Variants in FRMD4B observed in about 807,000 individuals in gnomAD.
The protein encoded by FRMD4B is FERM domain containing 4B.
In FRMD4B, 74 loss-of-function variants were observed where a neutral mutation model predicts 141.5. That is an observed-to-expected ratio of 0.52 (90% confidence interval 0.43 to 0.63). FRMD4B has a LOEUF of 0.63. Among genes scored for constraint, FRMD4B ranks in the 30% least tolerant of loss-of-function variants. The probability of loss-of-function intolerance (pLI) is 0.00; values close to 1 mark genes in which losing one functional copy is unlikely to be tolerated. For synonymous variants in FRMD4B, 506 were observed against 467.9 expected (o/e 1.08, Z -1.05); for missense variants, 1,366 against 1,253.4 (o/e 1.09, Z -1.36).
At chr3:69,270,567 T>A (rs946956927) in intron 5 of FRMD4B, among the ~76,000 whole-genome samples, 1 of 138,396 alleles carries the variant, frequency 7.2e-6, no homozygotes, top group Non-Finnish European at 1.6e-5. Context: ...TTTTCTTTTT[T>A]TCTTTTTTTT....
intron 2 of FRMD4B, among the ~76,000 whole-genome samples, chr3:69,397,882 C>T (rs1313870477): frequency 6.6e-6 from 1 of 152,042 alleles, no homozygotes; most frequent in Non-Finnish European, 1.5e-5. Flanking sequence ...TGAATTATAT[C>T]CCAATAAAGC....
At chr3:69,390,818 G>A (rs948118950), upstream of FRMD4B, among the ~76,000 whole-genome samples, 1 of 152,126 alleles carries the variant, frequency 6.6e-6, no homozygotes, top group Non-Finnish European at 1.5e-5. Flanking sequence ...GCTTGAACCT[G>A]GAAGGTGGAG....
chr3:69,207,119 A>G (rs113207914), intron 11 of FRMD4B, among the ~76,000 whole-genome samples: 2,012 of 152,048 alleles, frequency 0.013, 61 homozygotes, highest in East Asian at 0.062. Flanking sequence ...CTTGGGCAAC[A>G]TAGTGAGACC....
intron 2 of FRMD4B, among the ~76,000 whole-genome samples, chr3:69,400,592 A>G (rs1158729595): frequency 1.3e-5 from 2 of 152,232 alleles, no homozygotes; most frequent in Non-Finnish European, 2.9e-5. Flanking sequence ...GTTGAGACCC[A>G]GGAAGGCAAT....
intron 7 of FRMD4B, among the ~76,000 whole-genome samples, chr3:69,248,244 T>TACACACACAC (rs147851519): frequency 8.8e-4 from 133 of 150,786 alleles, no homozygotes; most frequent in African/African-American, 3.2e-3. Flanking sequence ...AAAATGTAAA[T>TACACACACAC]ACACACACAC....
At chr3:69,536,191 C>T (rs182871711) in intron 1 of FRMD4B, 19 of 565,466 alleles carry the variant, frequency 3.4e-5, no homozygotes, top group Middle Eastern at 5.7e-4. Flanking sequence ...TCACCTTGCC[C>T]GCGTTAGGAG....
At chr3:69,402,933 T>C (rs563313419) in intron 2 of FRMD4B, among the ~76,000 whole-genome samples, 2 of 152,358 alleles carry the variant, frequency 1.3e-5, no homozygotes, top group Non-Finnish European at 2.9e-5. Flanking sequence ...AAAGGAAGCA[T>C]AGCCCTGGAA....
At chr3:69,267,632 TATATAGAGAGAGAGAGAGAGAG>T (rs1559765488) in intron 5 of FRMD4B, among the ~76,000 whole-genome samples, 75 of 10,542 alleles carry the variant, frequency 7.1e-3, no homozygotes, top group South Asian at 0.012. Flanking sequence ...TATATATATA[TATATAGAGAGAGAGAGAGAGAG>T]AGAGAGAGAG....
At chr3:69,533,502 G>A (rs1286701131) in intron 1 of FRMD4B, among the ~76,000 whole-genome samples, 1 of 152,184 alleles carries the variant, frequency 6.6e-6, no homozygotes, top group Admixed American at 6.5e-5. Context: ...CAAATGCCTG[G>A]CACCTGGCAC....
At chr3:69,290,612 T>A (rs1040422691) in intron 4 of FRMD4B, among the ~76,000 whole-genome samples, 1 of 152,174 alleles carries the variant, frequency 6.6e-6, no homozygotes, top group African/African-American at 2.4e-5. Flanking sequence ...TGAGCAGGCT[T>A]CCAGTGGGCA....
chr3:69,237,177 G>GGAAGAA (rs10658426), intron 7 of FRMD4B, among the ~76,000 whole-genome samples: 1 of 151,320 alleles, frequency 6.6e-6, no homozygotes, highest in East Asian at 2.0e-4. Flanking sequence ...GAGCACAAGA[G>GGAAGAA]GAGGAAGAGG....
At position 69,197,137 on chromosome 3, in the gene FRMD4B, A is replaced by G. The variant is rs930518457; in HGVS notation, c.954-99T>C. On this transcript the variant is annotated intron_variant, in intron 12 of 22. Transcript: ENST00000398540. The stretch of plus-strand genomic sequence containing the variant: ...CATTGTAACAAAGCATGTTCCTCTT[A>G]CCTGTCTTCTGTTGCAAAAACTCTT... 4.4e-6 allele frequency: 4 copies of G among 913,282 alleles called. No homozygotes were observed. In the African/African-American group the frequency reaches 5.0e-5, roughly 11 times the overall value. The allele number at this position is 913,282 out of a possible 1,614,324, so 56.6% of individuals were successfully genotyped here. A position where few individuals can be genotyped will look rare whatever the true frequency, so the allele number is the denominator to read the frequency against.
intron 1 of FRMD4B, among the ~76,000 whole-genome samples, chr3:69,462,089 A>AT (rs1269688067): frequency 5.9e-5 from 9 of 152,022 alleles, no homozygotes; most frequent in African/African-American, 1.7e-4. Flanking sequence ...AGGGAGGAGG[A>AT]TTTTTTCTGG....
At chr3:69,184,483 C>T (rs2092744370) in intron 19 of FRMD4B, among the ~76,000 whole-genome samples, 1 of 152,090 alleles carries the variant, frequency 6.6e-6, no homozygotes, top group Non-Finnish European at 1.5e-5. Context: ...TTTAAATAAT[C>T]AGCTAGTTGA....
At chr3:69,342,102 A>C (rs1702758856) in intron 1 of FRMD4B, among the ~76,000 whole-genome samples, 1 of 152,120 alleles carries the variant, frequency 6.6e-6, no homozygotes, top group South Asian at 2.1e-4. Flanking sequence ...ACTTCCCCCC[A>C]CAAATATAGG....
chr3:69,395,054 T>C (rs1704451612), intron 2 of FRMD4B, among the ~76,000 whole-genome samples: 1 of 151,972 alleles, frequency 6.6e-6, no homozygotes, highest in Non-Finnish European at 1.5e-5. Flanking sequence ...TTAGGACAAA[T>C]ACCTAATGTA....
At position 69,239,015 on chromosome 3, in the gene FRMD4B, C is replaced by T. The variant is rs150482321; in HGVS notation, c.581+10211G>A. 1.2e-4 allele frequency among the ~76,000 whole-genome samples: 19 copies of T among 152,144 alleles called. No homozygotes were observed. The East Asian group carries it at 2.1e-3, about 17-fold the overall frequency. On this transcript the variant is annotated intron_variant, in intron 7 of 22. Transcript: ENST00000398540. The stretch of plus-strand genomic sequence containing the variant: ...CATCTGAAATTCCAATTTAACTGGG[C>T]GTCCTATATTTTTATTTGCTAAATC...
chr3:69,171,569 G>T lies in FRMD4B; in HGVS notation c.*292C>A. On this transcript the variant is annotated 3_prime_UTR_variant, in exon 23 of 23. Transcript: ENST00000398540. The stretch of plus-strand genomic sequence containing the variant: ...AACAACTTTTACTCCCTTAAAAAGT[G>T]CTTGCTATTGATGAAGGCTTCACAC... The T allele has an allele frequency of 4.0e-6, 1 of 251,414 alleles. No homozygotes were observed. The highest frequency in any genetic ancestry group is 7.6e-6 in the Non-Finnish European group (1 of 131,060). 15.6% of individuals were successfully genotyped at this position (251,414 alleles called of 1,614,324 possible). A position where few individuals can be genotyped will look rare whatever the true frequency, so the allele number is the denominator to read the frequency against.
intron 1 of FRMD4B, among the ~76,000 whole-genome samples, chr3:69,341,356 T>C (rs555545364): frequency 5.0e-4 from 76 of 152,298 alleles, no homozygotes; most frequent in Middle Eastern, 3.4e-3. Context: ...ACAATTACTT[T>C]CAGGTCCCAC....
Sources: allele counts gnomAD v4.1 joint callset (sites outside exome capture counted in the v4.1 genomes callset), GRCh38; gene constraint gnomAD v4.1.1; transcripts MANE v1.5; gene names NCBI Gene and HGNC (gene_info 2026-07-23, HGNC 2026-07-21).